SPAG16: variants seen among roughly 807,000 people sequenced by gnomAD.
SPAG16 encodes sperm associated antigen 16, also known as sperm-associated antigen 16 protein.
Under a neutral mutation model 80.4 loss-of-function variants are expected in SPAG16, and 86 were observed. The observed-to-expected ratio is 1.07, with a 90% confidence interval of 0.90 to 1.28. The LOEUF is 1.28. Among genes scored for constraint, SPAG16 ranks in the 50% most tolerant of loss-of-function variants. The probability of loss-of-function intolerance (pLI) is 0.00; values close to 1 mark genes in which losing one functional copy is unlikely to be tolerated. For synonymous variants in SPAG16, 294 were observed against 265.9 expected (o/e 1.11, Z -1.03); for missense variants, 870 against 765.3 (o/e 1.14, Z -1.61).
intron 8 of SPAG16, among the ~76,000 whole-genome samples, chr2:213,367,537 A>G (rs1427974513): frequency 6.6e-6 from 1 of 152,296 alleles, no homozygotes; most frequent in Non-Finnish European, 1.5e-5. Context: ...TCTGATGGCC[A>G]GTGTGATGAG....
chr2:213,440,865 G>A (rs1310246027), intron 9 of SPAG16, among the ~76,000 whole-genome samples: 1 of 152,092 alleles, frequency 6.6e-6, no homozygotes, highest in Non-Finnish European at 1.5e-5. Flanking sequence ...ATAATCAAAA[G>A]CATTAACCAA....
chr2:213,896,354 T>C (rs888854911), intron 11 of SPAG16, among the ~76,000 whole-genome samples: 1 of 151,882 alleles, frequency 6.6e-6, no homozygotes, highest in Non-Finnish European at 1.5e-5. Context: ...GGTGGGAATG[T>C]AAATTTGCAT....
At chr2:214,287,172 C>T (rs1171261586) in intron 15 of SPAG16, among the ~76,000 whole-genome samples, 1 of 152,108 alleles carries the variant, frequency 6.6e-6, no homozygotes, top group Non-Finnish European at 1.5e-5. Context: ...ACTTTCTGAA[C>T]CATTTCCTAT....
At chr2:214,317,958 A>G (rs1695805759) in intron 15 of SPAG16, among the ~76,000 whole-genome samples, 1 of 152,258 alleles carries the variant, frequency 6.6e-6, no homozygotes, top group African/African-American at 2.4e-5. Flanking sequence ...TATCTTGACA[A>G]AATCAGAATT....
intron 13 of SPAG16, among the ~76,000 whole-genome samples, chr2:214,107,733 G>A (rs1463841646): frequency 6.6e-6 from 1 of 152,112 alleles, no homozygotes. Context: ...AGGTAATAAT[G>A]TTAATGCTGA....
intron 5 of SPAG16, among the ~76,000 whole-genome samples, chr2:213,333,497 T>C (rs1346311666): frequency 6.6e-6 from 1 of 151,772 alleles, no homozygotes; most frequent in Non-Finnish European, 1.5e-5. Flanking sequence ...AAATAGAAAA[T>C]ACAATCCTAA....
chr2:213,491,777 G>T (rs1015871514), intron 10 of SPAG16, among the ~76,000 whole-genome samples: 3 of 152,194 alleles, frequency 2.0e-5, no homozygotes, highest in African/African-American at 7.2e-5. Flanking sequence ...ATGGATTTCA[G>T]CTTAATTTAT....
At chr2:213,957,730 A>T (rs2044221624) in intron 12 of SPAG16, among the ~76,000 whole-genome samples, 1 of 152,112 alleles carries the variant, frequency 6.6e-6, no homozygotes, top group South Asian at 2.1e-4. Context: ...GAAATGTTTC[A>T]ATTACTTCCT....
At chr2:213,787,551 T>C (rs914962486) in intron 10 of SPAG16, among the ~76,000 whole-genome samples, 1 of 152,118 alleles carries the variant, frequency 6.6e-6, no homozygotes, top group Non-Finnish European at 1.5e-5. Flanking sequence ...TGGATAGCCA[T>C]GTAAGTCATG....
chr2:213,674,834 G>A (rs560526346), intron 10 of SPAG16, among the ~76,000 whole-genome samples: 41 of 150,072 alleles, frequency 2.7e-4, no homozygotes, highest in African/African-American at 3.0e-4. Flanking sequence ...GAATAGTGCC[G>A]CGATAAACAT....
chr2:213,922,389 C>T (rs2078265589), intron 11 of SPAG16, among the ~76,000 whole-genome samples: 1 of 152,026 alleles, frequency 6.6e-6, no homozygotes, highest in African/African-American at 2.4e-5. Context: ...AGTTTGGTTC[C>T]TTTTTTATAA....
At position 214,115,720 on chromosome 2, in the gene SPAG16, AC is replaced by A. The variant is rs370292090; in HGVS notation, c.1593+7460del. Among the ~76,000 whole-genome samples the A allele has an allele frequency of 2.7e-4, 41 of 152,178 alleles. No homozygotes were observed. The East Asian group carries it at 7.9e-3, about 29-fold the overall frequency. On this transcript the variant is annotated intron_variant, in intron 14 of 15. Coordinates refer to ENST00000331683, the MANE Select transcript of SPAG16 (RefSeq NM_024532.5). Reference sequence around the variant, plus strand: ...GGTGAAACCCTGTCTCTACTAAAATACAAAAAAATTAGCCAGGTGTGGTCTT... The same window carrying A: ...GGTGAAACCCTGTCTCTACTAAAATAAAAAAAATTAGCCAGGTGTGGTCTT...
rs116183840 is a variant in SPAG16, at chr2:214,283,278, A to G, written c.1721-126862A>G. 2.3e-3 allele frequency among the ~76,000 whole-genome samples: 356 copies of G among 152,206 alleles called. 6 individuals are homozygous for G. Among genetic ancestry groups the G allele is most frequent in the African/African-American group, 8.1e-3 (337 of 41,514 alleles). On this transcript the variant is annotated intron_variant, in intron 15 of 15. Coordinates refer to ENST00000331683, the MANE Select transcript of SPAG16 (RefSeq NM_024532.5). ...GTGAACCAGTCTTCTTAAAAGTGTA[A>G]AGACTTTGGTCTCTTCTTGTTGATT...
chr2:214,051,003 T>C (rs1575982460), intron 13 of SPAG16, among the ~76,000 whole-genome samples: 1 of 152,324 alleles, frequency 6.6e-6, no homozygotes, highest in South Asian at 2.1e-4. Context: ...GGGTTGCTTG[T>C]TTCCCTGAAG....
At chr2:214,234,078 C>CA (rs201800104) in intron 15 of SPAG16, among the ~76,000 whole-genome samples, 2 of 151,706 alleles carry the variant, frequency 1.3e-5, no homozygotes, top group Non-Finnish European at 2.9e-5. Context: ...GTTGTTTCCC[C>CA]CCCCATGTGT....
intron 11 of SPAG16, among the ~76,000 whole-genome samples, chr2:213,929,653 C>A (rs575341583): frequency 6.6e-6 from 1 of 152,188 alleles, no homozygotes; most frequent in East Asian, 1.9e-4. Flanking sequence ...ATATATACAA[C>A]GCTGAACCAA....
At chr2:213,921,937 C>T (rs974538228) in intron 11 of SPAG16, among the ~76,000 whole-genome samples, 14 of 152,144 alleles carry the variant, frequency 9.2e-5, no homozygotes, top group African/African-American at 2.2e-4. Flanking sequence ...TGTCTCTTCT[C>T]TCTAATTGCC....
At chr2:214,401,437 G>T (rs2126145686) in intron 15 of SPAG16, among the ~76,000 whole-genome samples, 1 of 151,884 alleles carries the variant, frequency 6.6e-6, no homozygotes, top group Admixed American at 6.6e-5. Flanking sequence ...GGCACACAAT[G>T]ATTTTTGTCT....
intron 14 of SPAG16, among the ~76,000 whole-genome samples, chr2:214,112,916 T>C (rs2053747773): frequency 6.6e-6 from 1 of 152,198 alleles, no homozygotes; most frequent in African/African-American, 2.4e-5. Context: ...CTTCATATCA[T>C]CGATGGTCTT....
Sources: allele counts gnomAD v4.1 joint callset (sites outside exome capture counted in the v4.1 genomes callset), GRCh38; gene constraint gnomAD v4.1.1; transcripts MANE v1.5; gene names NCBI Gene and HGNC (gene_info 2026-07-23, HGNC 2026-07-21).